GPATCH8: variants seen among roughly 807,000 people sequenced by gnomAD.
GPATCH8 encodes the protein G patch domain-containing protein 8.
Under a neutral mutation model 118.3 loss-of-function variants are expected in GPATCH8, and 18 were observed. That is an observed-to-expected ratio of 0.15 (90% CI 0.11 to 0.23). The LOEUF is 0.23. Ranked by LOEUF, GPATCH8 falls within the 10% of genes least tolerant of loss-of-function variation. GPATCH8 has a pLI of 1.00. For missense variants in GPATCH8, 1,631 were observed against 1,873.8 expected, an observed-to-expected ratio of 0.87 and a Z score of 2.39; for synonymous variants, 659 against 684.7, an observed-to-expected ratio of 0.96 and a Z score of 0.59.
intron 6 of GPATCH8, among the ~76,000 whole-genome samples, chr17:44,414,041 G>A (rs1048079311): frequency 6.1e-5 from 9 of 148,014 alleles, no homozygotes; most frequent in African/African-American, 2.2e-4. Flanking sequence ...ACAGCACCAA[G>A]TATGCCTGCT....
At chr17:44,418,595 C>T (rs1486200765) in intron 6 of GPATCH8, among the ~76,000 whole-genome samples, 2 of 152,100 alleles carry the variant, frequency 1.3e-5, no homozygotes, top group Non-Finnish European at 2.9e-5. Context: ...GCTGGGACTA[C>T]AGGCACGTGC....
chr17:44,421,015 T>TA (rs1390650651), intron 6 of GPATCH8, among the ~76,000 whole-genome samples: 2 of 151,890 alleles, frequency 1.3e-5, no homozygotes, highest in Non-Finnish European at 2.9e-5. Context: ...CACGCCTGGC[T>TA]AATTTTTTTT....
chr17:44,477,458 ACTC>A (rs1431250498), intron 1 of GPATCH8, among the ~76,000 whole-genome samples: 2 of 152,026 alleles, frequency 1.3e-5, no homozygotes, highest in Admixed American at 6.6e-5. Flanking sequence ...CTGCCTTCAA[ACTC>A]CTGGGCTCAA....
At chr17:44,455,057 A>G (rs768426805) in intron 3 of GPATCH8, among the ~76,000 whole-genome samples, 2 of 152,194 alleles carry the variant, frequency 1.3e-5, no homozygotes, top group Non-Finnish European at 1.5e-5. Context: ...TGGGGGAGCT[A>G]CATATTTGCT....
chr17:44,439,407 C>T (rs1389009340), intron 3 of GPATCH8, among the ~76,000 whole-genome samples: 1 of 152,118 alleles, frequency 6.6e-6, no homozygotes, highest in Non-Finnish European at 1.5e-5. Context: ...GAGAAACCGA[C>T]ATCACAAGAG....
At chr17:44,405,031 G>A (rs2049165458) in intron 7 of GPATCH8, among the ~76,000 whole-genome samples, 1 of 152,092 alleles carries the variant, frequency 6.6e-6, no homozygotes, top group Non-Finnish European at 1.5e-5. Context: ...GTTTCAAATA[G>A]TTAGAAAGAG....
chr17:44,427,368 A>C (rs986903185), intron 5 of GPATCH8, among the ~76,000 whole-genome samples: 1 of 152,032 alleles, frequency 6.6e-6, no homozygotes, highest in African/African-American at 2.4e-5. Flanking sequence ...CACTGTTTGC[A>C]CAACCACTTT....
intron 3 of GPATCH8, among the ~76,000 whole-genome samples, chr17:44,437,605 G>A (rs2050554871): frequency 1.3e-5 from 2 of 151,542 alleles, no homozygotes; most frequent in African/African-American, 2.4e-5. Flanking sequence ...ATACCTTTGG[G>A]CTAAAAATGG....
intron 1 of GPATCH8, among the ~76,000 whole-genome samples, chr17:44,499,537 A>G (rs1969905837): frequency 6.6e-6 from 1 of 152,236 alleles, no homozygotes. Flanking sequence ...CTCTGCAGGT[A>G]CATATACTAA....
chr17:44,439,351 CCTT>C lies in GPATCH8; in HGVS notation c.194-2809_194-2807del, dbSNP rs139099913. ...CGAGACTTCCCAGGCTGGCCAATAT[CCTT>C]CTTTCAGCACACAACAAAACCAATC... On this transcript the variant is annotated intron_variant, in intron 3 of 7. Coordinates refer to ENST00000591680, the MANE Select transcript of GPATCH8 (RefSeq NM_001002909.4). Among the ~76,000 whole-genome samples, 943 of 152,150 alleles carry C rather than the reference CCTT, an allele frequency of 6.2e-3. 8 individuals are homozygous for C. Among genetic ancestry groups the C allele is most frequent in the African/African-American group, 0.022 (904 of 41,508 alleles).
intron 5 of GPATCH8, among the ~76,000 whole-genome samples, chr17:44,430,642 T>C (rs1163029429): frequency 6.7e-6 from 1 of 150,262 alleles, no homozygotes; most frequent in East Asian, 1.9e-4. Flanking sequence ...TGTTCACTGT[T>C]GCATTTTTTT....
intron 6 of GPATCH8, among the ~76,000 whole-genome samples, chr17:44,410,427 T>G (rs2049388671): frequency 6.6e-6 from 1 of 152,182 alleles, no homozygotes; most frequent in South Asian, 2.1e-4. Context: ...ACACAAAAAT[T>G]CAAGTTAAAC....
intron 3 of GPATCH8, among the ~76,000 whole-genome samples, chr17:44,440,728 C>T (rs1470605400): frequency 3.9e-5 from 6 of 152,240 alleles, no homozygotes; most frequent in Non-Finnish European, 7.3e-5. Context: ...CACAGCCACT[C>T]TGTCATTGAG....
At chr17:44,427,915 A>ATATC (rs1165564504) in intron 5 of GPATCH8, among the ~76,000 whole-genome samples, 3 of 152,138 alleles carry the variant, frequency 2.0e-5, no homozygotes, top group Non-Finnish European at 2.9e-5. Context: ...AATCCATCCT[A>ATATC]TATCCATCCA....
chr17:44,492,231 G>A (rs986011641), intron 1 of GPATCH8, among the ~76,000 whole-genome samples: 2 of 148,664 alleles, frequency 1.3e-5, no homozygotes, highest in Admixed American at 6.8e-5. Flanking sequence ...AACCTGGGAG[G>A]CGGAGCTTGC....
rs2050012351 is a variant in GPATCH8 at position 44,424,206 on chromosome 17, C to G, written c.492+143G>C. Reference sequence around the variant, plus strand: ...GTCAGGATTTCTGCCACTGAAAAAACAAAGTGTGTTGGATGACTGCAGATA... The same window carrying G: ...GTCAGGATTTCTGCCACTGAAAAAAGAAAGTGTGTTGGATGACTGCAGATA... On this transcript the variant is annotated intron_variant, in intron 6 of 7. Transcript: ENST00000591680. 4 of 676,156 alleles carry G rather than the reference C, an allele frequency of 5.9e-6. 1 individual carries two copies. The highest frequency in any genetic ancestry group is 5.0e-5 in the South Asian group (3 of 59,944). The allele number at this position is 676,156 out of a possible 1,614,324, so 41.9% of individuals were successfully genotyped here.
intron 1 of GPATCH8, among the ~76,000 whole-genome samples, chr17:44,502,296 T>C (rs1254078171): frequency 4.6e-5 from 7 of 152,042 alleles, no homozygotes; most frequent in Non-Finnish European, 1.0e-4. Context: ...GGATAAAAAC[T>C]TGAGTTCTGA....
intron 6 of GPATCH8, among the ~76,000 whole-genome samples, chr17:44,410,974 C>T (rs781062833): frequency 2.6e-5 from 4 of 152,132 alleles, no homozygotes; most frequent in Admixed American, 6.6e-5. Context: ...GGCAGAAAAA[C>T]GTTTTACTGT....
chr17:44,455,619 G>A (rs1011467583), intron 3 of GPATCH8, among the ~76,000 whole-genome samples: 3 of 152,032 alleles, frequency 2.0e-5, no homozygotes, highest in Non-Finnish European at 2.9e-5. Flanking sequence ...TAAATATTAA[G>A]CATTATTTCC....
Sources: allele counts gnomAD v4.1 joint callset (sites outside exome capture counted in the v4.1 genomes callset), GRCh38; gene constraint gnomAD v4.1.1; transcripts MANE v1.5; gene names NCBI Gene and HGNC (gene_info 2026-07-23, HGNC 2026-07-21).